GRID2: variants seen among roughly 807,000 people sequenced by gnomAD.
The protein encoded by GRID2 is glutamate ionotropic receptor delta type subunit 2.
A neutral mutation model predicts 114.8 loss-of-function variants in GRID2; 33 were observed. The ratio of observed to expected loss-of-function variants is 0.29; its 90% CI spans 0.22 to 0.38. The LOEUF (loss-of-function observed/expected upper bound fraction) is 0.38, where lower values mean the gene tolerates loss of function less well. Ranked by LOEUF, GRID2 falls within the 10% of genes least tolerant of loss-of-function variation. GRID2 has a pLI of 1.00. For missense variants in GRID2, 1,184 were observed against 1,257.7 expected (o/e 0.94, Z 0.89); for synonymous variants, 505 against 449.9 (o/e 1.12, Z -1.55).
chr4:92,523,410 A>G (rs1724884243), intron 1 of GRID2, among the ~76,000 whole-genome samples: 1 of 152,048 alleles, frequency 6.6e-6, no homozygotes, highest in South Asian at 2.1e-4. Context: ...TAAGGCAAAA[A>G]TTAGATTAAT....
intron 2 of GRID2, among the ~76,000 whole-genome samples, chr4:92,887,629 T>G (rs1746467398): frequency 6.6e-6 from 1 of 152,222 alleles, no homozygotes; most frequent in Non-Finnish European, 1.5e-5. Context: ...ATAATGGTGC[T>G]AGGACCAGGT....
intron 1 of GRID2, among the ~76,000 whole-genome samples, chr4:92,466,352 T>A (rs1487670656): frequency 6.6e-6 from 1 of 151,904 alleles, no homozygotes. Flanking sequence ...AAAACTATTT[T>A]TCTTTTTCTA....
intron 4 of GRID2, among the ~76,000 whole-genome samples, chr4:93,191,340 T>G (rs974840836): frequency 6.6e-6 from 1 of 152,116 alleles, no homozygotes; most frequent in Non-Finnish European, 1.5e-5. Context: ...GAATCTGAAC[T>G]GCCATAGCAA....
chr4:93,036,911 T>G (rs549746750), intron 2 of GRID2, among the ~76,000 whole-genome samples: 2 of 152,162 alleles, frequency 1.3e-5, no homozygotes, highest in Non-Finnish European at 2.9e-5. Context: ...AGGATAAACA[T>G]TAACCCTTCA....
intron 14 of GRID2, among the ~76,000 whole-genome samples, chr4:93,680,438 A>T (rs1490152025): frequency 4.6e-5 from 7 of 151,830 alleles, no homozygotes; most frequent in Non-Finnish European, 8.8e-5. Flanking sequence ...TGAGGCCAGC[A>T]TCATCCTGAT....
chr4:93,341,787 C>T (rs562307262), intron 8 of GRID2, among the ~76,000 whole-genome samples: 50 of 152,050 alleles, frequency 3.3e-4, no homozygotes, highest in Non-Finnish European at 5.6e-4. Context: ...GCTTTCAGAA[C>T]CTTGAGTTTC....
intron 2 of GRID2, among the ~76,000 whole-genome samples, chr4:92,865,832 A>G (rs1203960276): frequency 2.6e-5 from 4 of 152,224 alleles, no homozygotes; most frequent in Non-Finnish European, 5.9e-5. Flanking sequence ...GCAAAGCAAA[A>G]ATACTCTTGT....
intron 3 of GRID2, among the ~76,000 whole-genome samples, chr4:93,106,438 C>G (rs929627503): frequency 3.3e-5 from 5 of 152,138 alleles, no homozygotes; most frequent in Non-Finnish European, 7.3e-5. Context: ...CCTCCGCCTC[C>G]TGGGTTCAAG....
At chr4:92,428,186 C>T (rs866932949) in intron 1 of GRID2, among the ~76,000 whole-genome samples, 3 of 151,892 alleles carry the variant, frequency 2.0e-5, no homozygotes, top group African/African-American at 7.3e-5. Context: ...GGCATGAACC[C>T]GGGAGGCGGA....
chr4:92,957,183 T>G (rs1168824075), intron 2 of GRID2, among the ~76,000 whole-genome samples: 2 of 152,162 alleles, frequency 1.3e-5, no homozygotes, highest in Non-Finnish European at 2.9e-5. Context: ...AATTTTTCTT[T>G]CATGAATCAT....
At chr4:92,931,909 G>T (rs1239932747) in intron 2 of GRID2, among the ~76,000 whole-genome samples, 1 of 151,058 alleles carries the variant, frequency 6.6e-6, no homozygotes, top group African/African-American at 2.4e-5. Flanking sequence ...CAAATTACTA[G>T]ATATTTGCAT....
chr4:93,371,518 T>C (rs1762909540), intron 8 of GRID2, among the ~76,000 whole-genome samples: 1 of 152,118 alleles, frequency 6.6e-6, no homozygotes, highest in Non-Finnish European at 1.5e-5. Flanking sequence ...AAGGGAAGGC[T>C]CTAACTGGCC....
At chr4:93,242,706 T>TG (rs750996630) in intron 8 of GRID2, among the ~76,000 whole-genome samples, 3 of 151,878 alleles carry the variant, frequency 2.0e-5, no homozygotes, top group Admixed American at 6.6e-5. Context: ...AAATTATGTT[T>TG]GGGGAGAGAG....
intron 1 of GRID2, among the ~76,000 whole-genome samples, chr4:92,353,153 C>T (rs1448200814): frequency 1.3e-5 from 2 of 151,766 alleles, no homozygotes; most frequent in Non-Finnish European, 2.9e-5. Context: ...CTTTCATCTC[C>T]AGAATTTCTT....
At chr4:92,928,025 G>T (rs1043077863) in intron 2 of GRID2, among the ~76,000 whole-genome samples, 6 of 151,616 alleles carry the variant, frequency 4.0e-5, no homozygotes, top group African/African-American at 1.2e-4. Flanking sequence ...TTGGATTCAG[G>T]TTGCTCAACC....
intron 1 of GRID2, among the ~76,000 whole-genome samples, chr4:92,370,374 G>A (rs1229668215): frequency 6.6e-6 from 1 of 152,052 alleles, no homozygotes; most frequent in South Asian, 2.1e-4. Context: ...CCAATTGGCC[G>A]GGCACAGTGG....
At chr4:93,663,450 G>C (rs1723676440) in intron 14 of GRID2, among the ~76,000 whole-genome samples, 1 of 152,194 alleles carries the variant, frequency 6.6e-6, no homozygotes, top group African/African-American at 2.4e-5. Flanking sequence ...AGCTGAAGCA[G>C]AGCCAGTTTC....
rs540722472 is a variant in GRID2 at position 92,444,712 on chromosome 4, C to T, written c.88+139968C>T. ...CGTTTGTCTTCTCTTTTTAAATATCCGTACAGAAGTCTCTGCTGCAACATA... is the reference window on the plus strand; with the variant it reads ...CGTTTGTCTTCTCTTTTTAAATATCTGTACAGAAGTCTCTGCTGCAACATA... On this transcript the variant is annotated intron_variant, in intron 1 of 15. Coordinates refer to ENST00000282020, the MANE Select transcript of GRID2 (RefSeq NM_001510.4). 1.8e-4 allele frequency among the ~76,000 whole-genome samples: 27 copies of T among 152,154 alleles called. 1 individual carries two copies. Among genetic ancestry groups the T allele is most frequent in the African/African-American group, 6.0e-4 (25 of 41,514 alleles).
At chr4:92,697,892 C>G (rs575797902) in intron 2 of GRID2, among the ~76,000 whole-genome samples, 2 of 152,062 alleles carry the variant, frequency 1.3e-5, no homozygotes, top group South Asian at 4.2e-4. Flanking sequence ...ACTGAGATAG[C>G]ATGAGAGAAG....
Sources: gnomAD v4.1 joint callset for allele counts (sites outside exome capture counted in the v4.1 genomes callset) on GRCh38, gnomAD v4.1.1 for gene constraint, MANE v1.5 for transcripts, NCBI Gene and HGNC (gene_info 2026-07-23, HGNC 2026-07-21) for gene names.